PCDHGA2: variants seen among roughly 807,000 people sequenced by gnomAD.
PCDHGA2 encodes the protein protocadherin gamma-A2.
Under a neutral mutation model 59.2 loss-of-function variants are expected in PCDHGA2, and 40 were observed. That is an observed-to-expected ratio of 0.68 (90% CI 0.52 to 0.88). The LOEUF is 0.88. Ranked by LOEUF, PCDHGA2 falls within the 40% of genes least tolerant of loss-of-function variation. The pLI is 0.00. For synonymous variants in PCDHGA2, 560 were observed against 526.0 expected, an observed-to-expected ratio of 1.06 and a Z score of -0.89; for missense variants, 1,226 against 1,204.0, an observed-to-expected ratio of 1.02 and a Z score of -0.27.
Position 141,390,370 on chromosome 5 carries a change from A to T in PCDHGA2, c.2424+48975A>T, listed in dbSNP as rs1252386186. On this transcript the variant is annotated intron_variant, in intron 1 of 3. Coordinates refer to ENST00000394576, the MANE Select transcript of PCDHGA2 (RefSeq NM_018915.4). ...AATATACATATTTGCAGGAAAATAT[A>T]TAATTTTTAGATGTCATGGATCATT... 4 of 1,504,066 alleles carry T rather than the reference A, an allele frequency of 2.7e-6. No individual in the cohort carries two copies. In the African/African-American group the frequency reaches 4.2e-5, roughly 16 times the overall value. The allele number at this position is 1,504,066 out of a possible 1,614,324, so 93.2% of individuals were successfully genotyped here. A position where few individuals can be genotyped will look rare whatever the true frequency, so the allele number is the denominator to read the frequency against.
intron 1 of PCDHGA2, chr5:141,342,643 T>C (rs1304334787): frequency 6.6e-6 from 1 of 152,244 alleles, no homozygotes; most frequent in African/African-American, 2.4e-5. Context: ...ATAATAGCTT[T>C]ACTTGTAAGT....
At position 141,477,761 on chromosome 5, in the gene PCDHGA2, AC is replaced by A. The variant is rs754006143; in HGVS notation, c.2425-17044del. ...CGATGGGGGCACCCCGGTCCTAGCC[AC>A]CAACATCAGCGTGAACATATTTGTC... On this transcript the variant is annotated intron_variant, in intron 1 of 3. Coordinates refer to ENST00000394576, the MANE Select transcript of PCDHGA2 (RefSeq NM_018915.4). This position sits in a 1 kb window ranked among gnomAD's most constrained non-coding sequence, Gnocchi z 4.9. 5 of 1,613,854 alleles carry A rather than the reference AC, an allele frequency of 3.1e-6. No homozygotes were observed. Among genetic ancestry groups the A allele is most frequent in the Non-Finnish European group, 4.2e-6 (5 of 1,180,044 alleles).
chr5:141,376,027 C>A (rs750383085), intron 1 of PCDHGA2: 30 of 1,613,250 alleles, frequency 1.9e-5, no homozygotes, highest in Non-Finnish European at 2.5e-5. Context: ...CCGTCCAGGA[C>A]CACGGCCAGC....
At chr5:141,403,789 C>G (rs1230029917) in intron 1 of PCDHGA2, 1 of 1,613,864 alleles carries the variant, frequency 6.2e-7, no homozygotes. Context: ...AAGTGGCATA[C>G]AAATTCTGGA....
At chr5:141,368,272 C>A (rs1227481804) in intron 1 of PCDHGA2, among the ~76,000 whole-genome samples, 1 of 152,064 alleles carries the variant, frequency 6.6e-6, no homozygotes, top group African/African-American at 2.4e-5. Flanking sequence ...ATTAAAGAAC[C>A]TAAGACCACT....
intron 1 of PCDHGA2, chr5:141,421,355 G>C (rs1561793348): frequency 6.2e-7 from 1 of 1,613,990 alleles, no homozygotes. Flanking sequence ...ACCGAAAAGG[G>C]CTCCTTCGTG....
chr5:141,414,173 C>A, intron 1 of PCDHGA2: 1 of 1,606,526 alleles, frequency 6.2e-7, no homozygotes. Context: ...GCATATCTTG[C>A]AACTGCAAAA....
At position 141,339,228 on chromosome 5, in the gene PCDHGA2, C is replaced by T. The variant is rs1210023241; in HGVS notation, c.257C>T (p.Thr86Ile). 1 of 1,614,206 alleles carries T rather than the reference C, an allele frequency of 6.2e-7. No individual in the cohort carries two copies. Among genetic ancestry groups the T allele is most frequent in the Non-Finnish European group, 8.5e-7 (1 of 1,180,020 alleles). ...ALNPRSGSLV[T>I]ANRIDREELC... The stretch of plus-strand genomic sequence containing the variant: ...AACCCGCGAAGCGGCAGCTTGGTCA[C>T]TGCGAACAGGATAGACCGGGAGGAG... Residue 86 changes from threonine (T) to isoleucine (I), a missense_variant, in exon 1 of 4, where the codon ACT becomes ATT. Coordinates refer to ENST00000394576, the MANE Select transcript of PCDHGA2 (RefSeq NM_018915.4).
At chr5:141,423,099 G>C (rs1344463949) in intron 1 of PCDHGA2, 1 of 1,613,826 alleles carries the variant, frequency 6.2e-7, no homozygotes, top group Non-Finnish European at 8.5e-7. Flanking sequence ...GGGAGCACAC[G>C]GGCGAGGTGC....
chr5:141,504,351 G>A (rs77439649), intron 2 of PCDHGA2, among the ~76,000 whole-genome samples: 2 of 152,010 alleles, frequency 1.3e-5, no homozygotes, highest in African/African-American at 4.8e-5. Context: ...CTTTGTGCTA[G>A]GTGCTTCAGT....
At chr5:141,419,739 G>A (rs200899065) in intron 1 of PCDHGA2, 179 of 1,613,652 alleles carry the variant, frequency 1.1e-4, no homozygotes, top group Admixed American at 2.5e-4. Context: ...GGCGAGGTGC[G>A]CATGGTGCGT....
chr5:141,377,101 A>G (rs6895700), intron 1 of PCDHGA2: 15,808 of 152,272 alleles, frequency 0.1, 1,337 homozygotes, highest in African/African-American at 0.24. Flanking sequence ...CTTTTATATC[A>G]AAAGAATGTT....
intron 1 of PCDHGA2, chr5:141,384,446 C>T (rs781605513): frequency 5.6e-6 from 9 of 1,614,034 alleles, no homozygotes; most frequent in South Asian, 4.4e-5. Context: ...GTCCTGTACG[C>T]GCTGCAATCC....
chr5:141,486,816 C>G lies in PCDHGA2; in HGVS notation c.2425-7991C>G. The G allele has an allele frequency of 6.2e-7, 1 of 1,614,252 alleles. No individual in the cohort carries two copies. Among genetic ancestry groups the G allele is most frequent in the East Asian group, 2.2e-5 (1 of 44,884 alleles). ...CGGGGCAACCCACCCCTTAGCAGCACTGTAACAGTTCGTCTATTTGTGCTG... is the reference window on the plus strand; with the variant it reads ...CGGGGCAACCCACCCCTTAGCAGCAGTGTAACAGTTCGTCTATTTGTGCTG... On this transcript the variant is annotated intron_variant, in intron 1 of 3. Coordinates refer to ENST00000394576, the MANE Select transcript of PCDHGA2 (RefSeq NM_018915.4). The surrounding 1 kb of genome is among the most constrained non-coding windows in gnomAD (Gnocchi z 5.0).
At chr5:141,350,887 G>C in intron 1 of PCDHGA2, 1 of 1,614,044 alleles carries the variant, frequency 6.2e-7, no homozygotes, top group Non-Finnish European at 8.5e-7. Flanking sequence ...GCTTAATCCT[G>C]ACTGCCATGG....
rs529787438 is a variant in PCDHGA2 at position 141,470,330 on chromosome 5, G to A, written c.2425-24477G>A. Among the ~76,000 whole-genome samples the A allele has an allele frequency of 3.3e-4, 50 of 152,144 alleles. 1 individual carries two copies. The highest frequency in any genetic ancestry group is 1.1e-3 in the African/African-American group (47 of 41,498). ...TTTTCCTCAAATGATCCCATAATTT[G>A]ACCTTAGGAAGCTGTTCAAATAGAC... On this transcript the variant is annotated intron_variant, in intron 1 of 3. Coordinates refer to ENST00000394576, the MANE Select transcript of PCDHGA2 (RefSeq NM_018915.4).
intron 1 of PCDHGA2, chr5:141,400,280 CCG>C (rs769084717): frequency 1.2e-5 from 19 of 1,613,948 alleles, no homozygotes; most frequent in Non-Finnish European, 1.4e-5. Context: ...TCCAGCCCTG[CCG>C]CCTGGAGCTG....
chr5:141,511,403 A>C lies in PCDHGA2; in HGVS notation c.*230A>C. On this transcript the variant is annotated 3_prime_UTR_variant, in exon 4 of 4. Coordinates refer to ENST00000394576, the MANE Select transcript of PCDHGA2 (RefSeq NM_018915.4). Reference sequence around the variant, plus strand: ...TCCGCTGGGAACCCCCATCCAATCAACTGCTGTACCCATGGGGGTAGTGGG... The same window carrying C: ...TCCGCTGGGAACCCCCATCCAATCACCTGCTGTACCCATGGGGGTAGTGGG... 8.5e-6 allele frequency: 8 copies of C among 939,018 alleles called. No individual in the cohort carries two copies. The highest frequency in any genetic ancestry group is 1.2e-5 in the Non-Finnish European group (8 of 650,834). The allele number at this position is 939,018 out of a possible 1,614,324, so 58.2% of individuals were successfully genotyped here. A position where few individuals can be genotyped will look rare whatever the true frequency, so the allele number is the denominator to read the frequency against.
chr5:141,456,229 C>G (rs191169523), intron 1 of PCDHGA2, among the ~76,000 whole-genome samples: 9 of 152,234 alleles, frequency 5.9e-5, no homozygotes, highest in African/African-American at 1.7e-4. Context: ...ATCAAACTAA[C>G]TGCTGTTAGG....
Sources: allele counts gnomAD v4.1 joint callset (sites outside exome capture counted in the v4.1 genomes callset), GRCh38; gene constraint gnomAD v4.1.1; non-coding constraint Gnocchi (gnomAD v3.1); transcripts MANE v1.5; gene names NCBI Gene and HGNC (gene_info 2026-07-23, HGNC 2026-07-21).